TMCC3: variants seen among roughly 807,000 people sequenced by gnomAD.
TMCC3 encodes transmembrane and coiled-coil domain protein 3.
A neutral mutation model predicts 40.2 loss-of-function variants in TMCC3; 28 were observed. That is an observed-to-expected ratio of 0.70 (90% CI 0.52 to 0.95). TMCC3 has a LOEUF of 0.95. Ranked by LOEUF, TMCC3 falls within the 40% of genes least tolerant of loss-of-function variation. TMCC3 has a pLI of 0.00. For missense variants in TMCC3, 554 were observed against 615.2 expected, an observed-to-expected ratio of 0.90 and a Z score of 1.05; for synonymous variants, 255 against 248.5, an observed-to-expected ratio of 1.03 and a Z score of -0.25.
At chr12:94,637,213 ATG>A (rs2138881539) in intron 1 of TMCC3, among the ~76,000 whole-genome samples, 1 of 152,372 alleles carries the variant, frequency 6.6e-6, no homozygotes, top group Non-Finnish European at 1.5e-5. Flanking sequence ...TTTTTAGTCT[ATG>A]AAAATATGAT....
chr12:94,623,350 G>C (rs2138870013), intron 1 of TMCC3, among the ~76,000 whole-genome samples: 1 of 152,252 alleles, frequency 6.6e-6, no homozygotes, highest in East Asian at 1.9e-4. Flanking sequence ...TCAGGACCCT[G>C]TAACTGAGGC....
At chr12:94,578,749 T>G (rs1427119944) in intron 2 of TMCC3, among the ~76,000 whole-genome samples, 1 of 152,198 alleles carries the variant, frequency 6.6e-6, no homozygotes, top group East Asian at 1.9e-4. Context: ...CTCTCTGTCC[T>G]TGCCACTGAA....
Position 94,571,369 on chromosome 12 carries a change from G to C in TMCC3, c.*66C>G. On this transcript the variant is annotated 3_prime_UTR_variant, in exon 4 of 4. Coordinates refer to ENST00000261226, the MANE Select transcript of TMCC3 (RefSeq NM_020698.4). ...GCACAATCATTCACTGTAAAATTTGGTAGTATGCACAGAGTTTTCTTTAAA... is the reference window on the plus strand; with the variant it reads ...GCACAATCATTCACTGTAAAATTTGCTAGTATGCACAGAGTTTTCTTTAAA... 2.0e-6 allele frequency: 3 copies of C among 1,518,050 alleles called. No individual in the cohort carries two copies. Among genetic ancestry groups the C allele is most frequent in the Non-Finnish European group, 2.7e-6 (3 of 1,116,450 alleles). 94.0% of individuals were successfully genotyped at this position (1,518,050 alleles called of 1,614,324 possible).
intron 1 of TMCC3, among the ~76,000 whole-genome samples, chr12:94,635,962 C>CCTGG (rs202190505): frequency 0.013 from 1,915 of 152,208 alleles, 25 homozygotes; most frequent in African/African-American, 0.044. Context: ...AGCCACTGAG[C>CCTGG]CTGGCCTCAA....
intron 1 of TMCC3, among the ~76,000 whole-genome samples, chr12:94,598,987 G>C (rs1169181292): frequency 6.6e-6 from 1 of 152,200 alleles, no homozygotes; most frequent in East Asian, 1.9e-4. Flanking sequence ...TCATGGGAAA[G>C]CTCTGATTCC....
intron 1 of TMCC3, among the ~76,000 whole-genome samples, chr12:94,641,608 G>GT (rs2138885363): frequency 6.6e-6 from 1 of 152,268 alleles, no homozygotes; most frequent in African/African-American, 2.4e-5. Flanking sequence ...CAAGGACTAG[G>GT]TGAAGTTTTA....
intron 1 of TMCC3, among the ~76,000 whole-genome samples, chr12:94,645,409 G>C (rs779340496): frequency 4.6e-5 from 7 of 152,078 alleles, no homozygotes; most frequent in Non-Finnish European, 1.0e-4. Context: ...AACTAGAAGT[G>C]TTTCAGATTT....
At chr12:94,611,936 G>A (rs11107620) in intron 1 of TMCC3, among the ~76,000 whole-genome samples, 27,656 of 152,196 alleles carry the variant, frequency 0.18, 3,282 homozygotes, top group Non-Finnish European at 0.24. Flanking sequence ...TCTAGAGACT[G>A]TTTACATATA....
In TMCC3 at chr12:94,570,260, C is replaced by G. The variant is rs2068519060; in HGVS notation, c.*1175G>C. On this transcript the variant is annotated 3_prime_UTR_variant, in exon 4 of 4. Coordinates refer to ENST00000261226, the MANE Select transcript of TMCC3 (RefSeq NM_020698.4). ...CAGTCACACCCTACGTCCTCGTTTC[C>G]TCATGCTTTCAGCGTTCCGACACCT... 1.3e-5 allele frequency: 2 copies of G among 152,244 alleles called. No homozygotes were observed. The highest frequency in any genetic ancestry group is 4.1e-4 in the South Asian group (2 of 4,836). 9.4% of individuals were successfully genotyped at this position (152,244 alleles called of 1,614,324 possible). A position where few individuals can be genotyped will look rare whatever the true frequency, so the allele number is the denominator to read the frequency against.
At chr12:94,572,089 T>C (rs958356969) in intron 3 of TMCC3, among the ~76,000 whole-genome samples, 1 of 152,104 alleles carries the variant, frequency 6.6e-6, no homozygotes, top group Non-Finnish European at 1.5e-5. Flanking sequence ...AACCTCCGCC[T>C]CCTGGGTTCA....
At chr12:94,616,572 C>T (rs552054911) in intron 1 of TMCC3, among the ~76,000 whole-genome samples, 22 of 152,302 alleles carry the variant, frequency 1.4e-4, no homozygotes, top group African/African-American at 4.8e-4. Context: ...GGGGCATAGC[C>T]GCCTCCTGGC....
chr12:94,622,460 G>A (rs2068880845), intron 1 of TMCC3, among the ~76,000 whole-genome samples: 1 of 151,896 alleles, frequency 6.6e-6, no homozygotes, highest in South Asian at 2.1e-4. Context: ...TAAATATACC[G>A]AGACATTAAA....
At chr12:94,599,970 G>A (rs956923649) in intron 1 of TMCC3, among the ~76,000 whole-genome samples, 1 of 152,152 alleles carries the variant, frequency 6.6e-6, no homozygotes, top group Non-Finnish European at 1.5e-5. Flanking sequence ...CAGGAGGATC[G>A]TTTGAGCCCA....
intron 1 of TMCC3, among the ~76,000 whole-genome samples, chr12:94,620,116 T>C (rs1029666834): frequency 7.9e-4 from 119 of 151,578 alleles, no homozygotes; most frequent in African/African-American, 2.8e-3. Flanking sequence ...CGAGCCAAGA[T>C]AGTGCCATTG....
rs147288282 is a variant in TMCC3, at chr12:94,626,430, T to C, written c.78+23923A>G. Among the ~76,000 whole-genome samples the C allele has an allele frequency of 8.2e-4, 125 of 152,352 alleles. 1 individual carries two copies. In the East Asian group the frequency reaches 0.01, roughly 12 times the overall value. On this transcript the variant is annotated intron_variant, in intron 1 of 3. Transcript: ENST00000261226. ...CAGAAACAAGAGTACATGTCTTCCC[T>C]GATTAGACTTATTTAAATTAATGTA... is the stretch of plus-strand genomic sequence containing the variant.
chr12:94,589,645 T>C (rs1287881010), intron 1 of TMCC3, among the ~76,000 whole-genome samples: 1 of 151,602 alleles, frequency 6.6e-6, no homozygotes, highest in Non-Finnish European at 1.5e-5. Flanking sequence ...ACACAGCCAG[T>C]AACCGGCAGA....
chr12:94,641,979 G>A (rs1474894743), intron 1 of TMCC3, among the ~76,000 whole-genome samples: 1 of 151,642 alleles, frequency 6.6e-6, no homozygotes, highest in Non-Finnish European at 1.5e-5. Flanking sequence ...TACATGAATT[G>A]TCACCCCTCT....
Position 94,568,575 on chromosome 12 carries a change from AC to A in TMCC3, c.*2859del. ...TCCAATTCCAGCATATGTTACAGCT[AC>A]ATCACTATTTTTAATTGTAATATTT... is the stretch of plus-strand genomic sequence containing the variant. On this transcript the variant is annotated 3_prime_UTR_variant, in exon 4 of 4. Coordinates refer to ENST00000261226, the MANE Select transcript of TMCC3 (RefSeq NM_020698.4). 1 of 152,360 alleles carries A rather than the reference AC, an allele frequency of 6.6e-6. No individual in the cohort carries two copies. The highest frequency in any genetic ancestry group is 1.9e-4 in the East Asian group (1 of 5,192). The allele number at this position is 152,360 out of a possible 1,614,324, so 9.4% of individuals were successfully genotyped here.
intron 1 of TMCC3, among the ~76,000 whole-genome samples, chr12:94,614,130 T>C (rs2068833868): frequency 6.6e-6 from 1 of 150,914 alleles, no homozygotes; most frequent in African/African-American, 2.4e-5. Flanking sequence ...TGGAGTAAAT[T>C]ACACAGTAAA....
Sources: allele counts gnomAD v4.1 joint callset (sites outside exome capture counted in the v4.1 genomes callset), GRCh38; gene constraint gnomAD v4.1.1; transcripts MANE v1.5; gene names NCBI Gene and HGNC (gene_info 2026-07-23, HGNC 2026-07-21).